WDR27: variants seen among roughly 807,000 people sequenced by gnomAD.
WDR27 encodes WD repeat domain 27.
Under a neutral mutation model 114.4 loss-of-function variants are expected in WDR27, and 100 were observed. That is an observed-to-expected ratio of 0.87 (90% confidence interval 0.74 to 1.03). WDR27 has a LOEUF of 1.03. Among genes scored for constraint, WDR27 ranks in the 50% least tolerant of loss-of-function variants. WDR27 has a pLI of 0.00. For missense variants in WDR27, 1,129 were observed against 1,092.9 expected (o/e 1.03, Z -0.47); for synonymous variants, 449 against 423.1 (o/e 1.06, Z -0.75).
intron 25 of WDR27, among the ~76,000 whole-genome samples, chr6:169,562,018 A>G (rs975454425): frequency 6.6e-6 from 1 of 152,222 alleles, no homozygotes; most frequent in African/African-American, 2.4e-5. Context: ...AGGACATAAT[A>G]ACCCAAACCT....
At chr6:169,556,857 T>C (rs1194626110) in intron 25 of WDR27, among the ~76,000 whole-genome samples, 1 of 152,032 alleles carries the variant, frequency 6.6e-6, no homozygotes, top group Non-Finnish European at 1.5e-5. Context: ...AAAACCACAA[T>C]GAAAATACTA....
chr6:169,613,144 A>T (rs1000262427), intron 22 of WDR27, among the ~76,000 whole-genome samples: 2 of 152,170 alleles, frequency 1.3e-5, no homozygotes, highest in African/African-American at 4.8e-5. Context: ...TGCCCTCCCA[A>T]CTGTGACCTG....
chr6:169,436,140 A>C, the WDR27 span, among the ~76,000 whole-genome samples: 1 of 152,214 alleles, frequency 6.6e-6, no homozygotes, highest in Non-Finnish European at 1.5e-5. Flanking sequence ...GGAGAAAATA[A>C]CCATTTAATT....
At chr6:169,626,533 G>T (rs1226972716) in intron 21 of WDR27, among the ~76,000 whole-genome samples, 5 of 152,100 alleles carry the variant, frequency 3.3e-5, no homozygotes, top group African/African-American at 9.7e-5. Flanking sequence ...ACCTCCTGGG[G>T]AACACCTTCC....
chr6:169,452,272 ACTC>A (rs746383214), downstream of WDR27, among the ~76,000 whole-genome samples: 1 of 151,784 alleles, frequency 6.6e-6, no homozygotes, highest in African/African-American at 2.4e-5. Context: ...CAGACTCCTC[ACTC>A]CTCCCACAGC....
chr6:169,510,205 T>C (rs1373761320), intron 25 of WDR27, among the ~76,000 whole-genome samples: 2 of 152,216 alleles, frequency 1.3e-5, no homozygotes, highest in African/African-American at 2.4e-5. Context: ...AGTTCAACCA[T>C]TGTGGAAGTT....
chr6:169,576,450 G>C (rs563164859), intron 24 of WDR27, among the ~76,000 whole-genome samples: 1 of 152,324 alleles, frequency 6.6e-6, no homozygotes, highest in African/African-American at 2.4e-5. Flanking sequence ...CAAAGATGAA[G>C]ATTACCATAA....
At chr6:169,623,659 T>A (rs916389772) in intron 21 of WDR27, among the ~76,000 whole-genome samples, 2 of 152,238 alleles carry the variant, frequency 1.3e-5, no homozygotes, top group African/African-American at 4.8e-5. Flanking sequence ...ACATTTGGGA[T>A]GAATTATTCT....
At position 169,643,743 on chromosome 6, in the gene WDR27, T is replaced by A; in HGVS notation, c.1701A>T (p.Leu567Phe). The change falls in exon 17 of 26, where the codon TTA (leucine) becomes TTT (phenylalanine). Residue 567 changes from leucine (L) to phenylalanine (F), a missense_variant. Physicochemically the swap from Leu to Phe is conservative, Grantham distance 22 (BLOSUM62 0). Coordinates refer to ENST00000448612, the MANE Select transcript of WDR27 (RefSeq NM_182552.5). ...WLACGLANHL[L>F]LVFDASLTGT... ...CAGTCAGGCTGGCATCAAAAACGAGTAACAGATGGTTGGCCAACCCACAGG... is the reference window on the plus strand; with the variant it reads ...CAGTCAGGCTGGCATCAAAAACGAGAAACAGATGGTTGGCCAACCCACAGG... 6.2e-7 allele frequency: 1 copy of A among 1,613,654 alleles called. No individual in the cohort carries two copies. The highest frequency in any genetic ancestry group is 1.7e-5 in the Admixed American group (1 of 60,014).
intron 1 of WDR27, among the ~76,000 whole-genome samples, chr6:169,691,622 T>C (rs1297825623): frequency 2.0e-5 from 3 of 152,236 alleles, no homozygotes; most frequent in East Asian, 3.8e-4. Flanking sequence ...CAAATTGTGA[T>C]TGAGTTCCAT....
chr6:169,465,445 G>A (rs1418739487), intron 25 of WDR27, among the ~76,000 whole-genome samples: 1 of 152,070 alleles, frequency 6.6e-6, no homozygotes, highest in African/African-American at 2.4e-5. Context: ...CATTGTTGGT[G>A]GGAATGTAAA....
At chr6:169,686,681 T>C (rs1009835606) in intron 2 of WDR27, among the ~76,000 whole-genome samples, 2 of 152,052 alleles carry the variant, frequency 1.3e-5, no homozygotes, top group Admixed American at 6.5e-5. Context: ...CATTATATAA[T>C]AATGCACTCC....
chr6:169,475,244 C>T lies in WDR27; in HGVS notation c.2646-17610G>A, dbSNP rs139789202. ...ATTTATTGATTGATTCATTTTGAAA[C>T]GCAGTTTTGCTCTTTCACCCAGGTG... is the stretch of plus-strand genomic sequence containing the variant. On this transcript the variant is annotated intron_variant, in intron 25 of 25. Transcript: ENST00000448612. 7.0e-4 allele frequency among the ~76,000 whole-genome samples: 106 copies of T among 152,292 alleles called. 1 individual carries two copies. Among genetic ancestry groups the T allele is most frequent in the South Asian group, 2.9e-3 (14 of 4,828 alleles).
chr6:169,441,320 G>A, the WDR27 span, among the ~76,000 whole-genome samples: 2 of 152,010 alleles, frequency 1.3e-5, no homozygotes, highest in African/African-American at 2.4e-5. Context: ...CTAATTTCAA[G>A]ACAGTTGATC....
At chr6:169,507,730 A>G (rs1371290251) in intron 25 of WDR27, among the ~76,000 whole-genome samples, 5 of 152,252 alleles carry the variant, frequency 3.3e-5, no homozygotes, top group Non-Finnish European at 7.3e-5. Flanking sequence ...GGTTGAAAAC[A>G]CTAAAGAATA....
intron 20 of WDR27, among the ~76,000 whole-genome samples, chr6:169,633,826 T>A (rs1471359859): frequency 6.6e-6 from 1 of 152,208 alleles, no homozygotes; most frequent in Admixed American, 6.5e-5. Context: ...TATTCTAGCA[T>A]GAAATTACCA....
At chr6:169,558,023 G>A (rs1434360386) in intron 25 of WDR27, among the ~76,000 whole-genome samples, 1 of 152,036 alleles carries the variant, frequency 6.6e-6, no homozygotes, top group African/African-American at 2.4e-5. Flanking sequence ...AACTATGAGA[G>A]CATAAATCAG....
intron 25 of WDR27, among the ~76,000 whole-genome samples, chr6:169,548,877 C>T (rs192443315): frequency 6.6e-6 from 1 of 152,158 alleles, no homozygotes; most frequent in Non-Finnish European, 1.5e-5. Context: ...TGGACATAGA[C>T]CTTACACCCT....
At chr6:169,612,560 A>T (rs1408768450) in intron 22 of WDR27, among the ~76,000 whole-genome samples, 4 of 135,000 alleles carry the variant, frequency 3.0e-5, no homozygotes, top group Admixed American at 1.7e-4. Context: ...TGGGGCAGGG[A>T]GGTTGCAGTG....
Sources: gnomAD v4.1 joint callset for allele counts (sites outside exome capture counted in the v4.1 genomes callset) on GRCh38, gnomAD v4.1.1 for gene constraint, MANE v1.5 for transcripts, NCBI Gene and HGNC (gene_info 2026-07-23, HGNC 2026-07-21) for gene names.